Variants in GPC5 observed in about 807,000 individuals in gnomAD.
GPC5 encodes the protein glypican-5.
A neutral mutation model predicts 53.9 loss-of-function variants in GPC5; 47 were observed. That is an observed-to-expected ratio of 0.87 (90% CI 0.69 to 1.11). GPC5 has a LOEUF of 1.11. GPC5 is among the 50% of genes most tolerant of loss of function. The probability of loss-of-function intolerance (pLI) is 0.00; values close to 1 mark genes in which losing one functional copy is unlikely to be tolerated. For synonymous variants in GPC5, 286 were observed against 263.3 expected, an observed-to-expected ratio of 1.09 and a Z score of -0.84; for missense variants, 748 against 713.1, an observed-to-expected ratio of 1.05 and a Z score of -0.56.
chr13:91,814,561 A>G (rs2038370441), intron 5 of GPC5, among the ~76,000 whole-genome samples: 2 of 149,386 alleles, frequency 1.3e-5, no homozygotes, highest in African/African-American at 2.4e-5. Flanking sequence ...TTATTTTGAG[A>G]CAGAGTTTCA....
chr13:91,460,486 G>A (rs1483941507), intron 2 of GPC5, among the ~76,000 whole-genome samples: 1 of 151,960 alleles, frequency 6.6e-6, no homozygotes, highest in African/African-American at 2.4e-5. Context: ...GTTTTTAGTA[G>A]AGACAGGGTT....
At chr13:92,141,282 A>C (rs1425885934) in intron 6 of GPC5, among the ~76,000 whole-genome samples, 1 of 152,152 alleles carries the variant, frequency 6.6e-6, no homozygotes, top group Non-Finnish European at 1.5e-5. Context: ...GGAAAGGGAG[A>C]TATTGACCCT....
intron 7 of GPC5, among the ~76,000 whole-genome samples, chr13:92,819,603 A>AT (rs910642734): frequency 2.0e-5 from 3 of 152,130 alleles, no homozygotes; most frequent in South Asian, 2.1e-4. Flanking sequence ...GCATCCATTG[A>AT]TTTTTTTCAC....
chr13:91,440,344 G>A (rs11840977), intron 1 of GPC5, among the ~76,000 whole-genome samples: 78,629 of 151,756 alleles, frequency 0.52, 20,650 homozygotes, highest in East Asian at 0.71. Flanking sequence ...TATTTTCTGC[G>A]GATCTATCTT....
chr13:92,317,064 A>C (rs188999712), intron 7 of GPC5, among the ~76,000 whole-genome samples: 20 of 152,342 alleles, frequency 1.3e-4, no homozygotes, highest in Non-Finnish European at 2.2e-4. Flanking sequence ...ATATTCATAA[A>C]TTCTCATATT....
chr13:91,469,991 A>G (rs1199413286), intron 2 of GPC5, among the ~76,000 whole-genome samples: 1 of 152,204 alleles, frequency 6.6e-6, no homozygotes, highest in African/African-American at 2.4e-5. Flanking sequence ...GTGAGCTGAG[A>G]TCACGCTATT....
chr13:92,770,072 C>T (rs935931636), intron 7 of GPC5, among the ~76,000 whole-genome samples: 4 of 151,746 alleles, frequency 2.6e-5, no homozygotes, highest in African/African-American at 9.7e-5. Context: ...GCACTGTTCC[C>T]CAATGGCTTA....
At chr13:92,486,678 C>T (rs1044382038) in intron 7 of GPC5, among the ~76,000 whole-genome samples, 2 of 152,288 alleles carry the variant, frequency 1.3e-5, no homozygotes, top group Middle Eastern at 3.4e-3. Flanking sequence ...ATAAAGATCA[C>T]TGTTTAATTC....
chr13:91,831,277 G>C (rs77618931), intron 5 of GPC5, among the ~76,000 whole-genome samples: 1 of 151,330 alleles, frequency 6.6e-6, no homozygotes, highest in African/African-American at 2.4e-5. Context: ...AAAGATGCAG[G>C]CTGGGAGGCT....
At chr13:91,800,767 C>G (rs2038121489) in intron 5 of GPC5, among the ~76,000 whole-genome samples, 2 of 151,974 alleles carry the variant, frequency 1.3e-5, no homozygotes, top group Admixed American at 6.6e-5. Flanking sequence ...GTACACTTGG[C>G]AGATTTTTAG....
chr13:91,564,834 C>T (rs1293407452), intron 2 of GPC5, among the ~76,000 whole-genome samples: 1 of 151,796 alleles, frequency 6.6e-6, no homozygotes, highest in Non-Finnish European at 1.5e-5. Context: ...TTCAATATGT[C>T]GCCTTCAAAT....
At chr13:91,676,852 C>G (rs12857157) in intron 2 of GPC5, among the ~76,000 whole-genome samples, 74 of 152,314 alleles carry the variant, frequency 4.9e-4, no homozygotes, top group African/African-American at 1.7e-3. Flanking sequence ...GATAAGTGAG[C>G]TGGCGCTTAA....
chr13:91,495,601 C>T (rs1211136567), intron 2 of GPC5, among the ~76,000 whole-genome samples: 2 of 152,228 alleles, frequency 1.3e-5, no homozygotes, highest in Non-Finnish European at 2.9e-5. Flanking sequence ...CTTTCCCTGC[C>T]TAGAATACTC....
intron 5 of GPC5, among the ~76,000 whole-genome samples, chr13:91,899,447 T>A (rs1489255062): frequency 6.6e-6 from 1 of 152,140 alleles, no homozygotes; most frequent in Admixed American, 6.6e-5. Flanking sequence ...ATGTTTCTCA[T>A]GGGAAAATAG....
chr13:92,265,301 A>C (rs764353753), intron 7 of GPC5, among the ~76,000 whole-genome samples: 7 of 152,164 alleles, frequency 4.6e-5, no homozygotes, highest in Non-Finnish European at 4.4e-5. Context: ...ATATCCAGTT[A>C]AAAGAAGCCA....
chr13:91,631,857 T>C (rs914290139), intron 2 of GPC5, among the ~76,000 whole-genome samples: 6 of 152,138 alleles, frequency 3.9e-5, no homozygotes, highest in African/African-American at 1.4e-4. Context: ...ATTTTTATTA[T>C]GAAGAACTTG....
chr13:91,995,774 T>A (rs1193228777), intron 6 of GPC5: 1 of 152,218 alleles, frequency 6.6e-6, no homozygotes, highest in Non-Finnish European at 1.5e-5. Flanking sequence ...GTCAGTAAGA[T>A]CATATACATC....
intron 6 of GPC5, among the ~76,000 whole-genome samples, chr13:91,979,464 A>G (rs1566375789): frequency 1.3e-5 from 2 of 152,200 alleles, no homozygotes; most frequent in Non-Finnish European, 2.9e-5. Context: ...TGATATTACT[A>G]CCCTTCTAAG....
chr13:91,748,154 G>T (rs1797023455), intron 4 of GPC5, among the ~76,000 whole-genome samples: 1 of 152,190 alleles, frequency 6.6e-6, no homozygotes, highest in African/African-American at 2.4e-5. Flanking sequence ...TTCTATCTCT[G>T]TCTTCATAAC....
Sources: gnomAD v4.1 joint callset for allele counts (sites outside exome capture counted in the v4.1 genomes callset) on GRCh38, gnomAD v4.1.1 for gene constraint, MANE v1.5 for transcripts, NCBI Gene and HGNC (gene_info 2026-07-23, HGNC 2026-07-21) for gene names.